The following BCAS3 variants were observed in gnomAD, a reference collection of about 807,000 sequenced individuals.
The protein encoded by BCAS3 is BCAS4/BCAS3 fusion.
In BCAS3, 53 loss-of-function variants were observed where a neutral mutation model predicts 116.1. The observed-to-expected ratio is 0.46, with a 90% CI of 0.37 to 0.57. The LOEUF is 0.57. Among genes scored for constraint, BCAS3 ranks in the 20% least tolerant of loss-of-function variants. The probability of loss-of-function intolerance (pLI) is 0.00; values close to 1 mark genes in which losing one functional copy is unlikely to be tolerated. For synonymous variants in BCAS3, 391 were observed against 408.2 expected, an observed-to-expected ratio of 0.96 and a Z score of 0.51; for missense variants, 917 against 1,165.4, an observed-to-expected ratio of 0.79 and a Z score of 3.10.
In BCAS3 at chr17:61,387,944, C is replaced by T. The variant is rs1432624215; in HGVS notation, c.2594-4033C>T. On this transcript the variant is annotated intron_variant, in intron 23 of 23. Transcript: ENST00000407086. The surrounding 1 kb of genome is among the most constrained non-coding windows in gnomAD (Gnocchi z 6.2). ...CTTGCCTGGAAGCCACTCCTCCTCT[C>T]CTGCCCTACTTTGGGGCCTGGAGAA... Among the ~76,000 whole-genome samples the T allele has an allele frequency of 2.0e-5, 3 of 152,310 alleles. No individual in the cohort carries two copies. The East Asian group carries it at 5.8e-4, about 29-fold the overall frequency.
At position 61,282,541 on chromosome 17, in the gene BCAS3, T is replaced by C. The variant is rs982230476; in HGVS notation, c.2426-85786T>C. Among the ~76,000 whole-genome samples, 2 of 152,226 alleles carry C rather than the reference T, an allele frequency of 1.3e-5. No homozygotes were observed. Among genetic ancestry groups the C allele is most frequent in the Non-Finnish European group, 2.9e-5 (2 of 68,032 alleles). On this transcript the variant is annotated intron_variant, in intron 22 of 23. Coordinates refer to ENST00000407086, the MANE Select transcript of BCAS3 (RefSeq NM_017679.5). The surrounding 1 kb of genome is among the most constrained non-coding windows in gnomAD (Gnocchi z 5.9). Reference sequence around the variant, plus strand: ...TAAAGTTGGTTTCGTTGGCTTACTCTTAGACAGATGTGACTTCCTGTGTCA... The same window carrying C: ...TAAAGTTGGTTTCGTTGGCTTACTCCTAGACAGATGTGACTTCCTGTGTCA...
Position 60,709,284 on chromosome 17 carries a change from A to G in BCAS3, c.280A>G (p.Met94Val), listed in dbSNP as rs765367069. ...TGGGAATGAACCGCCTTTGTTGATT[A>G]TGATTGGCTACAGTGATGGAATGCA... The part of the protein sequence containing the change: ...STGNEPPLLI[M>V]IGYSDGMQVW... The change falls in exon 5 of 24, where the codon ATG (methionine) becomes GTG (valine). Residue 94 changes from methionine (M) to valine (V), a missense_variant. Met to Val is a conservative substitution (Grantham distance 21). Coordinates refer to ENST00000407086, the MANE Select transcript of BCAS3 (RefSeq NM_017679.5). 6.2e-6 allele frequency: 10 copies of G among 1,603,142 alleles called. 1 individual carries two copies. In the South Asian group the frequency reaches 9.9e-5, roughly 16 times the overall value.
intron 4 of BCAS3, among the ~76,000 whole-genome samples, chr17:60,701,817 A>AAAAAAGAAAAAAAAG (rs2036442986): frequency 2.7e-5 from 4 of 149,142 alleles, no homozygotes; most frequent in African/African-American, 1.0e-4. Context: ...AAAAAAAAAA[A>AAAAAAGAAAAAAAAG]AAAAGAAAAA....
At position 61,336,658 on chromosome 17, in the gene BCAS3, C is replaced by T. The variant is rs572696445; in HGVS notation, c.2426-31669C>T. 6.6e-5 allele frequency among the ~76,000 whole-genome samples: 10 copies of T among 152,356 alleles called. No individual in the cohort carries two copies. The South Asian group carries it at 1.9e-3, about 28-fold the overall frequency. On this transcript the variant is annotated intron_variant, in intron 22 of 23. Transcript: ENST00000407086. ...CTTTGTACTGGGGCTTCATTTCATT[C>T]ATCCACAGGGGTGCTGTATCCATTT...
intron 7 of BCAS3, among the ~76,000 whole-genome samples, chr17:60,845,060 T>C (rs1166700563): frequency 1.3e-5 from 2 of 152,066 alleles, no homozygotes; most frequent in Non-Finnish European, 2.9e-5. Flanking sequence ...TGAAACCCCT[T>C]CTCTACTAAA....
chr17:61,173,956 G>T (rs1367760866), intron 22 of BCAS3, among the ~76,000 whole-genome samples: 1 of 152,012 alleles, frequency 6.6e-6, no homozygotes, highest in Non-Finnish European at 1.5e-5. Context: ...ACAAACCTTA[G>T]TTCTTCATTT....
chr17:61,031,155 G>A (rs2066607317), intron 16 of BCAS3, among the ~76,000 whole-genome samples: 1 of 151,978 alleles, frequency 6.6e-6, no homozygotes, highest in Non-Finnish European at 1.5e-5. Context: ...CCTTTTGGAG[G>A]AGAAAGGGAG....
rs2082139709 is a variant in BCAS3, at chr17:61,222,036, A to G, written c.2425+137472A>G. On this transcript the variant is annotated intron_variant, in intron 22 of 23. Transcript: ENST00000407086. The surrounding 1 kb of genome is among the most constrained non-coding windows in gnomAD (Gnocchi z 6.1). ...AGGGGCTGATATTACTATTACTATT[A>G]AGAATACATACCTGCTGCTCACTAA... Among the ~76,000 whole-genome samples, 1 of 152,228 alleles carries G rather than the reference A, an allele frequency of 6.6e-6. No individual in the cohort carries two copies. Among genetic ancestry groups the G allele is most frequent in the South Asian group, 2.1e-4 (1 of 4,830 alleles).
intron 15 of BCAS3, among the ~76,000 whole-genome samples, chr17:60,997,026 G>T (rs1483520342): frequency 1.3e-5 from 2 of 152,158 alleles, no homozygotes; most frequent in Non-Finnish European, 2.9e-5. Flanking sequence ...TGTGGGGAGG[G>T]GTGGGAGGTT....
chr17:61,379,923 C>G lies in BCAS3; in HGVS notation c.2593+11429C>G, dbSNP rs2059526309. 6.5e-6 allele frequency: 1 copy of G among 152,808 alleles called. No individual in the cohort carries two copies. The highest frequency in any genetic ancestry group is 2.1e-4 in the South Asian group (1 of 4,840). 9.5% of individuals were successfully genotyped at this position (152,808 alleles called of 1,614,324 possible). A position where few individuals can be genotyped will look rare whatever the true frequency, so the allele number is the denominator to read the frequency against. Reference sequence around the variant, plus strand: ...CCAGGGCCAGCGTGCCATCTCCATGCTGGTGTGTGTGACTGTTTGGTGCTG... The same window carrying G: ...CCAGGGCCAGCGTGCCATCTCCATGGTGGTGTGTGTGACTGTTTGGTGCTG... On this transcript the variant is annotated intron_variant, in intron 23 of 23. Transcript: ENST00000407086. The surrounding 1 kb of genome is among the most constrained non-coding windows in gnomAD (Gnocchi z 5.5).
chr17:60,910,728 A>G (rs375223382), intron 12 of BCAS3, 26 bp downstream of exon 12: 19 of 1,568,310 alleles, frequency 1.2e-5, no homozygotes, highest in Admixed American at 1.8e-5. Flanking sequence ...GGTGCGTACC[A>G]TGTGTGTTAC....
rs1422312164 is a variant in BCAS3 at position 60,921,561 on chromosome 17, C to A, written c.994-2846C>A. Among the ~76,000 whole-genome samples, 6 of 144,210 alleles carry A rather than the reference C, an allele frequency of 4.2e-5. No individual in the cohort carries two copies. In the South Asian group the frequency reaches 1.3e-3, roughly 32 times the overall value. The allele number at this position is 144,210 out of a possible 152,430, so 94.6% of individuals were successfully genotyped here. A position where few individuals can be genotyped will look rare whatever the true frequency, so the allele number is the denominator to read the frequency against. Reference sequence around the variant, plus strand: ...CCGGGAGGCGGAGCTTGCAGTGAGCCGAGATCCCGCCACTGCACTCCAGCC... The same window carrying A: ...CCGGGAGGCGGAGCTTGCAGTGAGCAGAGATCCCGCCACTGCACTCCAGCC... On this transcript the variant is annotated intron_variant, in intron 12 of 23. Coordinates refer to ENST00000407086, the MANE Select transcript of BCAS3 (RefSeq NM_017679.5).
rs935693430 is a variant in BCAS3 at position 61,344,532 on chromosome 17, C to A, written c.2426-23795C>A. On this transcript the variant is annotated intron_variant, in intron 22 of 23. Transcript: ENST00000407086. This position sits in a 1 kb window ranked among gnomAD's most constrained non-coding sequence, Gnocchi z 4.1. Reference sequence around the variant, plus strand: ...GAGAGCAAAGTAGATGATATCTCTGCCCCCATGGGGCTTATATTCTAGAGG... The same window carrying A: ...GAGAGCAAAGTAGATGATATCTCTGACCCCATGGGGCTTATATTCTAGAGG... 6.6e-6 allele frequency among the ~76,000 whole-genome samples: 1 copy of A among 152,154 alleles called. No individual in the cohort carries two copies. Among genetic ancestry groups the A allele is most frequent in the African/African-American group, 2.4e-5 (1 of 41,430 alleles).
chr17:61,356,518 C>T lies in BCAS3; in HGVS notation c.2426-11809C>T, dbSNP rs2058147995. Among the ~76,000 whole-genome samples, 1 of 152,190 alleles carries T rather than the reference C, an allele frequency of 6.6e-6. No homozygotes were observed. The highest frequency in any genetic ancestry group is 6.5e-5 in the Admixed American group (1 of 15,278). ...CAGTCGAGATTCTCCTTACTGGGAC[C>T]TACACTGATGACTGATCTCTTGGGC... is the stretch of plus-strand genomic sequence containing the variant. On this transcript the variant is annotated intron_variant, in intron 22 of 23. Coordinates refer to ENST00000407086, the MANE Select transcript of BCAS3 (RefSeq NM_017679.5). The surrounding 1 kb of genome is among the most constrained non-coding windows in gnomAD (Gnocchi z 5.4).
In BCAS3 at chr17:61,282,386, G is replaced by C. The variant is rs1238611545; in HGVS notation, c.2426-85941G>C. On this transcript the variant is annotated intron_variant, in intron 22 of 23. Transcript: ENST00000407086. This position sits in a 1 kb window ranked among gnomAD's most constrained non-coding sequence, Gnocchi z 5.9. Reference sequence around the variant, plus strand: ...GCCTCTGGTGAAAGGTTCTCCCCAAGTGTCCAAACTAGTACCTTTTAAGAG... The same window carrying C: ...GCCTCTGGTGAAAGGTTCTCCCCAACTGTCCAAACTAGTACCTTTTAAGAG... 6.6e-6 allele frequency among the ~76,000 whole-genome samples: 1 copy of C among 152,208 alleles called. No homozygotes were observed. Among genetic ancestry groups the C allele is most frequent in the Non-Finnish European group, 1.5e-5 (1 of 68,038 alleles).
intron 6 of BCAS3, among the ~76,000 whole-genome samples, chr17:60,804,860 T>C (rs1224540781): frequency 6.6e-6 from 1 of 152,096 alleles, no homozygotes; most frequent in Non-Finnish European, 1.5e-5. Context: ...TTAAATTTAG[T>C]TATATAGTCC....
chr17:60,920,893 A>G (rs1442243411), intron 12 of BCAS3, among the ~76,000 whole-genome samples: 1 of 149,324 alleles, frequency 6.7e-6, no homozygotes, highest in Non-Finnish European at 1.5e-5. Flanking sequence ...AACAACAACA[A>G]CAACAACAAC....
At chr17:61,272,635 T>TAA (rs2050386315) in intron 22 of BCAS3, among the ~76,000 whole-genome samples, 2 of 5,790 alleles carry the variant, frequency 3.5e-4, no homozygotes, top group Admixed American at 4.3e-3. Context: ...AAACCCTGTC[T>TAA]CAAAAAAAAA....
intron 22 of BCAS3, among the ~76,000 whole-genome samples, chr17:61,179,942 T>C (rs1601758539): frequency 6.7e-6 from 1 of 148,772 alleles, no homozygotes; most frequent in Middle Eastern, 3.2e-3. Context: ...AAGCACTCAC[T>C]TGAGACACTT....
Sources: allele counts gnomAD v4.1 joint callset (sites outside exome capture counted in the v4.1 genomes callset), GRCh38; gene constraint gnomAD v4.1.1; non-coding constraint Gnocchi (gnomAD v3.1); transcripts MANE v1.5; gene names NCBI Gene and HGNC (gene_info 2026-07-23, HGNC 2026-07-21).